FHIT: variants seen among roughly 807,000 people sequenced by gnomAD.
FHIT encodes the protein fragile histidine triad diadenosine triphosphatase.
Under a neutral mutation model 17.9 loss-of-function variants are expected in FHIT, and 19 were observed. That is an observed-to-expected ratio of 1.06 (90% CI 0.74 to 1.56). The LOEUF is 1.56. Ranked by LOEUF, FHIT falls within the 40% of genes most tolerant of loss-of-function variation. The probability of loss-of-function intolerance (pLI) is 0.00; values close to 1 mark genes in which losing one functional copy is unlikely to be tolerated. For missense variants in FHIT, 248 were observed against 189.2 expected, an observed-to-expected ratio of 1.31 and a Z score of -1.82; for synonymous variants, 81 against 69.7, an observed-to-expected ratio of 1.16 and a Z score of -0.81.
chr3:61,175,088 A>G (rs1209265727), intron 2 of FHIT, among the ~76,000 whole-genome samples: 2 of 152,244 alleles, frequency 1.3e-5, no homozygotes. Context: ...GAACATGACA[A>G]AGGTAAGGTT....
rs536188461 is a variant in FHIT, at chr3:59,788,933, C to T, written c.349-36612G>A. On this transcript the variant is annotated intron_variant, in intron 8 of 9. Transcript: ENST00000492590. ...CAGCAAGTAATCTTGCAGATCAATG[C>T]CTGAGACCAAAGAGACTTATGAATG... Among the ~76,000 whole-genome samples the T allele has an allele frequency of 5.9e-5, 7 of 119,100 alleles. No homozygotes were observed. In the South Asian group the frequency reaches 2.0e-3, roughly 34 times the overall value. The allele number at this position is 119,100 out of a possible 152,430, so 78.1% of individuals were successfully genotyped here.
chr3:60,890,145 T>G (rs1165732331), intron 3 of FHIT, among the ~76,000 whole-genome samples: 2 of 150,906 alleles, frequency 1.3e-5, no homozygotes, highest in Non-Finnish European at 2.9e-5. Context: ...TGTCACAGTG[T>G]TCTACTTCCA....
chr3:60,129,456 T>A (rs1389868940), intron 5 of FHIT, among the ~76,000 whole-genome samples: 2 of 152,320 alleles, frequency 1.3e-5, no homozygotes, highest in East Asian at 3.9e-4. Context: ...TATGTATGAA[T>A]CTTTTGTACC....
chr3:59,760,559 C>CAA (rs35692822), intron 8 of FHIT, among the ~76,000 whole-genome samples: 5,734 of 135,208 alleles, frequency 0.042, 191 homozygotes, highest in African/African-American at 0.1. Context: ...CCCATGCCAT[C>CAA]AAAAAAAAAA....
intron 5 of FHIT, among the ~76,000 whole-genome samples, chr3:60,308,486 AGG>A (rs1157697498): frequency 0.12 from 12,714 of 104,448 alleles, 606 homozygotes; most frequent in Admixed American, 0.17. Flanking sequence ...GTATAGGTAT[AGG>A]TGTATGTGTA....
intron 8 of FHIT, among the ~76,000 whole-genome samples, chr3:59,768,274 C>T (rs1470427873): frequency 6.6e-6 from 1 of 152,212 alleles, no homozygotes; most frequent in Non-Finnish European, 1.5e-5. Context: ...TGCTCTGGTC[C>T]TGACTTACTG....
At chr3:60,844,873 T>G (rs2594129) in intron 3 of FHIT, among the ~76,000 whole-genome samples, 51,034 of 151,998 alleles carry the variant, frequency 0.34, 10,100 homozygotes, top group African/African-American at 0.55. Flanking sequence ...CTTATTATTC[T>G]TGGTCCCCTA....
intron 5 of FHIT, among the ~76,000 whole-genome samples, chr3:60,361,937 T>A (rs1239193972): frequency 2.6e-5 from 4 of 152,100 alleles, no homozygotes; most frequent in Admixed American, 2.6e-4. Flanking sequence ...AAAAAAGTTT[T>A]CTCCTTCCTT....
intron 4 of FHIT, among the ~76,000 whole-genome samples, chr3:60,662,489 G>C (rs1241210787): frequency 3.3e-5 from 5 of 152,134 alleles, no homozygotes; most frequent in African/African-American, 1.2e-4. Flanking sequence ...CTCCAGATTT[G>C]TTCTTTTTGC....
At chr3:59,934,877 T>C (rs996450900) in intron 7 of FHIT, among the ~76,000 whole-genome samples, 2 of 152,076 alleles carry the variant, frequency 1.3e-5, no homozygotes, top group Non-Finnish European at 2.9e-5. Flanking sequence ...CCATGACACA[T>C]GGGGATTATG....
rs553544757 is a variant in FHIT, at chr3:60,941,669, G to T, written c.-111+100378C>A. Among the ~76,000 whole-genome samples, 462 of 152,110 alleles carry T rather than the reference G, an allele frequency of 3.0e-3. 1 individual carries two copies. The highest frequency in any genetic ancestry group is 3.0e-3 in the Non-Finnish European group (202 of 68,018). On this transcript the variant is annotated intron_variant, in intron 3 of 9. Transcript: ENST00000492590. ...TTGCTGAGATATATGAATTTAATGC[G>T]TTTAGCTCATACAAATCCTGACCAT...
At chr3:60,830,871 T>G (rs1382372381) in intron 3 of FHIT, among the ~76,000 whole-genome samples, 1 of 152,112 alleles carries the variant, frequency 6.6e-6, no homozygotes. Context: ...TATTAAAACA[T>G]CTCATCCTTG....
chr3:60,474,768 C>T (rs997590342), intron 5 of FHIT, among the ~76,000 whole-genome samples: 7 of 151,910 alleles, frequency 4.6e-5, no homozygotes, highest in Non-Finnish European at 7.4e-5. Context: ...GGATTACAGG[C>T]GCCTGCCACC....
chr3:60,502,527 G>C (rs2034564203), intron 5 of FHIT, among the ~76,000 whole-genome samples: 1 of 152,152 alleles, frequency 6.6e-6, no homozygotes, highest in African/African-American at 2.4e-5. Flanking sequence ...CAAGGATCCT[G>C]CAAAGTTCTA....
chr3:60,719,745 T>G (rs1332994370), intron 4 of FHIT, among the ~76,000 whole-genome samples: 1 of 152,172 alleles, frequency 6.6e-6, no homozygotes, highest in African/African-American at 2.4e-5. Context: ...CCAGCTCCTC[T>G]GCAAATTGGA....
intron 5 of FHIT, among the ~76,000 whole-genome samples, chr3:60,117,715 G>C (rs1019459693): frequency 6.6e-6 from 1 of 152,238 alleles, no homozygotes; most frequent in Non-Finnish European, 1.5e-5. Flanking sequence ...AGAGAATGCA[G>C]ATGAGCTGAT....
intron 1 of FHIT, among the ~76,000 whole-genome samples, chr3:61,210,682 T>G (rs1392973839): frequency 1.3e-5 from 2 of 152,100 alleles, no homozygotes; most frequent in African/African-American, 4.8e-5. Context: ...GGGAGTGACC[T>G]GATTTTCCAG....
chr3:60,721,521 G>T (rs17063868), intron 4 of FHIT, among the ~76,000 whole-genome samples: 4,357 of 152,080 alleles, frequency 0.029, 78 homozygotes, highest in South Asian at 0.059. Context: ...CCAACACAAA[G>T]GCCTCAGAAT....
At chr3:60,311,250 C>CATGTGTGTGTGT (rs530233517) in intron 5 of FHIT, among the ~76,000 whole-genome samples, 2 of 150,826 alleles carry the variant, frequency 1.3e-5, no homozygotes, top group African/African-American at 4.9e-5. Context: ...TCTACCCCAA[C>CATGTGTGTGTGT]GTGTGTGTGT....
Sources: allele counts gnomAD v4.1 joint callset (sites outside exome capture counted in the v4.1 genomes callset), GRCh38; gene constraint gnomAD v4.1.1; transcripts MANE v1.5; gene names NCBI Gene and HGNC (gene_info 2026-07-23, HGNC 2026-07-21).